Variants in NKAIN2 observed in about 807,000 individuals in gnomAD.
The protein encoded by NKAIN2 is sodium/potassium transporting ATPase interacting 2, also known as sodium/potassium-transporting ATPase subunit beta-1-interacting protein 2.
A neutral mutation model predicts 32.6 loss-of-function variants in NKAIN2; 14 were observed. That is an observed-to-expected ratio of 0.43 (90% CI 0.28 to 0.67). NKAIN2 has a LOEUF of 0.67. Ranked by LOEUF, NKAIN2 falls within the 30% of genes least tolerant of loss-of-function variation. The probability of loss-of-function intolerance (pLI) is 0.17; values close to 1 mark genes in which losing one functional copy is unlikely to be tolerated. For missense variants in NKAIN2, 198 were observed against 258.3 expected, an observed-to-expected ratio of 0.77 and a Z score of 1.60; for synonymous variants, 80 against 87.2, an observed-to-expected ratio of 0.92 and a Z score of 0.46.
At chr6:124,472,400 T>C (rs1777010029) in intron 3 of NKAIN2, among the ~76,000 whole-genome samples, 1 of 152,152 alleles carries the variant, frequency 6.6e-6, no homozygotes, top group Non-Finnish European at 1.5e-5. Context: ...TTAAGAATTA[T>C]TTATAGGATA....
chr6:124,502,753 A>G (rs1364363469), intron 3 of NKAIN2, among the ~76,000 whole-genome samples: 1 of 152,106 alleles, frequency 6.6e-6, no homozygotes, highest in Non-Finnish European at 1.5e-5. Context: ...TTCATTTGAA[A>G]TGTTCCCAGA....
intron 3 of NKAIN2, among the ~76,000 whole-genome samples, chr6:124,525,065 T>G (rs992856391): frequency 4.6e-5 from 7 of 152,204 alleles, no homozygotes; most frequent in Non-Finnish European, 1.0e-4. Context: ...AAGCCAAGCT[T>G]CTTTTTAGCT....
At chr6:124,305,137 C>A (rs1192441243) in intron 2 of NKAIN2, among the ~76,000 whole-genome samples, 1 of 152,054 alleles carries the variant, frequency 6.6e-6, no homozygotes, top group Non-Finnish European at 1.5e-5. Flanking sequence ...AAGAGTTTTT[C>A]ATTTTTAAGA....
intron 3 of NKAIN2, among the ~76,000 whole-genome samples, chr6:124,537,810 T>C (rs1779772689): frequency 6.6e-6 from 1 of 152,242 alleles, no homozygotes; most frequent in South Asian, 2.1e-4. Flanking sequence ...ATGTAGTATG[T>C]GCTTTTATGC....
intron 1 of NKAIN2, among the ~76,000 whole-genome samples, chr6:124,164,972 C>T (rs1418352689): frequency 6.6e-6 from 1 of 151,954 alleles, no homozygotes; most frequent in Non-Finnish European, 1.5e-5. Context: ...ATTTAAATGA[C>T]TTTCATGGTC....
chr6:124,457,020 G>A (rs985151856), intron 3 of NKAIN2, among the ~76,000 whole-genome samples: 20 of 151,768 alleles, frequency 1.3e-4, no homozygotes, highest in East Asian at 1.9e-4. Flanking sequence ...GAAACTCTTC[G>A]TGAATGTACT....
intron 4 of NKAIN2, among the ~76,000 whole-genome samples, chr6:124,691,867 AC>A (rs1774270698): frequency 1.3e-5 from 2 of 152,184 alleles, no homozygotes; most frequent in Admixed American, 6.5e-5. Flanking sequence ...ACTGAAATAT[AC>A]TTTACAATAT....
At chr6:124,286,436 A>T (rs73770398) in intron 2 of NKAIN2, among the ~76,000 whole-genome samples, 4,674 of 152,154 alleles carry the variant, frequency 0.031, 239 homozygotes, top group African/African-American at 0.11. Flanking sequence ...AACCTATCCA[A>T]AATTATTTTA....
At chr6:124,166,409 A>G (rs370548423) in intron 1 of NKAIN2, among the ~76,000 whole-genome samples, 8 of 151,788 alleles carry the variant, frequency 5.3e-5, no homozygotes, top group Non-Finnish European at 1.2e-4. Flanking sequence ...TGTAGATTCT[A>G]GATATTAGCC....
chr6:124,725,865 C>T (rs1002683183), intron 4 of NKAIN2, among the ~76,000 whole-genome samples: 1 of 152,162 alleles, frequency 6.6e-6, no homozygotes, highest in Non-Finnish European at 1.5e-5. Flanking sequence ...GTGTGCAAGC[C>T]AAAGCAGGGC....
chr6:124,819,498 A>G (rs1781306290), intron 6 of NKAIN2, among the ~76,000 whole-genome samples: 1 of 152,172 alleles, frequency 6.6e-6, no homozygotes, highest in Admixed American at 6.5e-5. Flanking sequence ...TGCTTCATTC[A>G]AAGCATTGCT....
chr6:124,046,702 C>T (rs1287208488), intron 1 of NKAIN2, among the ~76,000 whole-genome samples: 10 of 151,946 alleles, frequency 6.6e-5, no homozygotes, highest in African/African-American at 9.7e-5. Flanking sequence ...AGAATGCAGA[C>T]ATTGAGTTCT....
intron 3 of NKAIN2, among the ~76,000 whole-genome samples, chr6:124,432,238 A>G (rs1280032258): frequency 1.3e-5 from 2 of 152,164 alleles, no homozygotes; most frequent in African/African-American, 2.4e-5. Context: ...AGTTGATGAC[A>G]GTACTATAAG....
intron 1 of NKAIN2, among the ~76,000 whole-genome samples, chr6:123,950,969 T>C (rs1437973318): frequency 6.6e-6 from 1 of 151,986 alleles, no homozygotes; most frequent in Non-Finnish European, 1.5e-5. Context: ...ATCTCATAGA[T>C]TTTTGTGTGT....
At chr6:123,822,570 T>A (rs1249698521) in intron 1 of NKAIN2, among the ~76,000 whole-genome samples, 2 of 151,744 alleles carry the variant, frequency 1.3e-5, no homozygotes, top group African/African-American at 4.9e-5. Flanking sequence ...TTACATGGTT[T>A]AAATCAGAGT....
At chr6:124,133,863 TA>T (rs555687182) in intron 1 of NKAIN2, among the ~76,000 whole-genome samples, 2,489 of 151,498 alleles carry the variant, frequency 0.016, 27 homozygotes, top group Admixed American at 0.028. Context: ...AAATTTAAAT[TA>T]AAAAAAATAC....
At chr6:124,076,453 A>G (rs1783699742) in intron 1 of NKAIN2, among the ~76,000 whole-genome samples, 1 of 152,198 alleles carries the variant, frequency 6.6e-6, no homozygotes, top group Non-Finnish European at 1.5e-5. Flanking sequence ...ACTGGATTGA[A>G]GGTCTCTATT....
intron 4 of NKAIN2, among the ~76,000 whole-genome samples, chr6:124,716,602 A>G (rs998991713): frequency 1.3e-5 from 2 of 152,254 alleles, no homozygotes; most frequent in African/African-American, 4.8e-5. Flanking sequence ...TCAGCACACT[A>G]TATAATCTGA....
chr6:124,704,571 C>T (rs538257763), intron 4 of NKAIN2, among the ~76,000 whole-genome samples: 8 of 151,544 alleles, frequency 5.3e-5, no homozygotes, highest in African/African-American at 1.9e-4. Context: ...AAACCATAAC[C>T]CTACTGGGAG....
Sources: allele counts gnomAD v4.1 joint callset (sites outside exome capture counted in the v4.1 genomes callset), GRCh38; gene constraint gnomAD v4.1.1; transcripts MANE v1.5; gene names NCBI Gene and HGNC (gene_info 2026-07-23, HGNC 2026-07-21).